The following GRXCR2 variants were observed in gnomAD, a reference collection of about 807,000 sequenced individuals.
GRXCR2 encodes the protein glutaredoxin and cysteine rich domain containing 2.
GRXCR2 carries 23 observed loss-of-function variants against 24.8 expected under a neutral mutation model. The ratio of observed to expected loss-of-function variants is 0.93; its 90% CI spans 0.67 to 1.32. GRXCR2 has a LOEUF of 1.32. GRXCR2 is among the 40% of genes most tolerant of loss of function. GRXCR2 has a pLI of 0.00. For missense variants in GRXCR2, 315 were observed against 303.4 expected (o/e 1.04, Z -0.28); for synonymous variants, 130 against 116.1 (o/e 1.12, Z -0.77).
At chr5:145,892,953 C>G (rs1174301208) in intron 2 of GRXCR2, among the ~76,000 whole-genome samples, 1 of 152,164 alleles carries the variant, frequency 6.6e-6, no homozygotes, top group Non-Finnish European at 1.5e-5. Flanking sequence ...ACTCTACAAG[C>G]CAGAAGAGAG....
At chr5:145,906,150 C>A (rs1022295728) in intron 2 of GRXCR2, among the ~76,000 whole-genome samples, 1 of 152,168 alleles carries the variant, frequency 6.6e-6, no homozygotes, top group African/African-American at 2.4e-5. Flanking sequence ...AGAGGCACCC[C>A]TCCTTCCCTT....
chr5:145,897,514 C>T (rs1410920278), intron 2 of GRXCR2, among the ~76,000 whole-genome samples: 1 of 152,012 alleles, frequency 6.6e-6, no homozygotes, highest in Non-Finnish European at 1.5e-5. Flanking sequence ...ACAGAATATA[C>T]ATTCTTCTAA....
intron 2 of GRXCR2, among the ~76,000 whole-genome samples, chr5:145,924,192 A>G (rs1757361547): frequency 6.6e-6 from 1 of 152,182 alleles, no homozygotes; most frequent in Non-Finnish European, 1.5e-5. Flanking sequence ...CACAAAGGCA[A>G]TATCTCAAAT....
At chr5:145,890,247 G>T (rs1021785251) in intron 2 of GRXCR2, among the ~76,000 whole-genome samples, 1 of 152,214 alleles carries the variant, frequency 6.6e-6, no homozygotes, top group Non-Finnish European at 1.5e-5. Flanking sequence ...GTGCCACCAT[G>T]CCTAGCTAAT....
upstream of GRXCR2, among the ~76,000 whole-genome samples, chr5:145,874,458 T>A (rs1756583375): frequency 6.6e-6 from 1 of 152,154 alleles, no homozygotes; most frequent in Admixed American, 6.5e-5. Flanking sequence ...TGCCTTGACC[T>A]CCCAAAGTGC....
upstream of GRXCR2, among the ~76,000 whole-genome samples, chr5:145,876,191 G>GTATATATATATATATATA (rs748811333): frequency 3.6e-4 from 38 of 105,274 alleles, no homozygotes; most frequent in Non-Finnish European, 5.5e-4. Flanking sequence ...GTGTGTGTGT[G>GTATATATATATATATATA]TATATATATA....
upstream of GRXCR2, chr5:145,873,023 G>A (rs1756560873): frequency 6.9e-7 from 1 of 1,452,882 alleles, no homozygotes. Context: ...GTGAAACTTG[G>A]GCCTCTGAGA....
chr5:145,879,278 T>C (rs1207285196), intron 2 of GRXCR2, among the ~76,000 whole-genome samples: 3 of 151,512 alleles, frequency 2.0e-5, no homozygotes, highest in African/African-American at 2.4e-5. Context: ...GACCCATCAG[T>C]GTGCTGTATT....
chr5:145,898,522 C>A (rs1287364489), intron 2 of GRXCR2, among the ~76,000 whole-genome samples: 2 of 152,026 alleles, frequency 1.3e-5, no homozygotes, highest in Non-Finnish European at 2.9e-5. Flanking sequence ...AATATACATA[C>A]AAAAATCCTT....
intron 2 of GRXCR2, among the ~76,000 whole-genome samples, chr5:145,914,606 G>A (rs1190102440): frequency 1.4e-5 from 2 of 147,078 alleles, no homozygotes; most frequent in African/African-American, 2.5e-5. Context: ...AACCCTGGAG[G>A]TGAAGGTTGC....
intron 2 of GRXCR2, among the ~76,000 whole-genome samples, chr5:145,889,626 G>A (rs1036276957): frequency 6.6e-6 from 1 of 152,180 alleles, no homozygotes; most frequent in Non-Finnish European, 1.5e-5. Context: ...GTCTCCAGAT[G>A]AGAAGGAACT....
At chr5:145,885,948 G>GT (rs1756774113) in intron 2 of GRXCR2, among the ~76,000 whole-genome samples, 1 of 152,208 alleles carries the variant, frequency 6.6e-6, no homozygotes, top group Non-Finnish European at 1.5e-5. Flanking sequence ...GAGAGGTTAA[G>GT]TTATCTGCCA....
rs576933077 is a variant in GRXCR2 at position 145,926,792 on chromosome 5, C to G, written c.-70+8909G>C. On this transcript the variant is annotated intron_variant, in intron 2 of 3. Transcript: ENST00000639411. ...AGTCATTGGTAGCTTGATGGGGATG[C>G]CATTGAATCTATAAATTACCTTGGG... Among the ~76,000 whole-genome samples, 90 of 152,182 alleles carry G rather than the reference C, an allele frequency of 5.9e-4. 5 individuals are homozygous for G. In the Middle Eastern group the frequency reaches 0.048, roughly 81 times the overall value.
At chr5:145,863,401 A>G (rs537999728) in intron 2 of GRXCR2, among the ~76,000 whole-genome samples, 1 of 152,374 alleles carries the variant, frequency 6.6e-6, no homozygotes, top group African/African-American at 2.4e-5. Context: ...CCTCTGTCCT[A>G]GTTTATAGCA....
intron 2 of GRXCR2, among the ~76,000 whole-genome samples, chr5:145,912,089 C>A (rs1757174360): frequency 6.6e-6 from 1 of 152,072 alleles, no homozygotes; most frequent in African/African-American, 2.4e-5. Flanking sequence ...AGAGTGAGAC[C>A]CTATCTCAAA....
chr5:145,927,921 G>C (rs1319241547), intron 2 of GRXCR2, among the ~76,000 whole-genome samples: 2 of 152,126 alleles, frequency 1.3e-5, no homozygotes, highest in Non-Finnish European at 2.9e-5. Context: ...CTAAACTAAA[G>C]AGCTTCTGCA....
intron 2 of GRXCR2, among the ~76,000 whole-genome samples, chr5:145,920,112 T>G (rs1189522739): frequency 1.3e-5 from 2 of 152,146 alleles, no homozygotes; most frequent in Non-Finnish European, 2.9e-5. Context: ...AATCAAGCAA[T>G]TATTGATGTA....
intron 2 of GRXCR2, among the ~76,000 whole-genome samples, chr5:145,891,601 T>C (rs1756865382): frequency 6.6e-6 from 1 of 152,062 alleles, no homozygotes; most frequent in Non-Finnish European, 1.5e-5. Flanking sequence ...CGCCCGCCAT[T>C]GCTGAGGTTT....
intron 2 of GRXCR2, among the ~76,000 whole-genome samples, chr5:145,892,340 A>G (rs1417767471): frequency 6.6e-6 from 1 of 152,218 alleles, no homozygotes; most frequent in Non-Finnish European, 1.5e-5. Context: ...ACTCTGAGCT[A>G]AAGAAGGAAG....
Sources: allele counts gnomAD v4.1 joint callset (sites outside exome capture counted in the v4.1 genomes callset), GRCh38; gene constraint gnomAD v4.1.1; transcripts MANE v1.5; gene names NCBI Gene and HGNC (gene_info 2026-07-23, HGNC 2026-07-21).